The following DOCK2 variants were observed in gnomAD, a reference collection of about 807,000 sequenced individuals.
The protein encoded by DOCK2 is dedicator of cytokinesis 2, also known as dedicator of cytokinesis protein 2.
Under a neutral mutation model 248.9 loss-of-function variants are expected in DOCK2, and 87 were observed. The ratio of observed to expected loss-of-function variants is 0.35; its 90% CI spans 0.29 to 0.42. The LOEUF (loss-of-function observed/expected upper bound fraction) is 0.42. Ranked by LOEUF, DOCK2 falls within the 10% of genes least tolerant of loss-of-function variation. The pLI is 1.00. For missense variants in DOCK2, 1,747 were observed against 2,300.2 expected (o/e 0.76, Z 4.92); for synonymous variants, 805 against 821.6 (o/e 0.98, Z 0.35).
At chr5:170,060,805 G>A (rs1340376507) in intron 44 of DOCK2, among the ~76,000 whole-genome samples, 2 of 152,160 alleles carry the variant, frequency 1.3e-5, no homozygotes, top group African/African-American at 2.4e-5. Context: ...GCTGGGGTGG[G>A]CGGATCACAA....
intron 23 of DOCK2, among the ~76,000 whole-genome samples, chr5:169,749,266 A>G (rs1021052031): frequency 3.9e-5 from 6 of 152,152 alleles, no homozygotes; most frequent in Non-Finnish European, 7.4e-5. Context: ...GCCCCTTTCT[A>G]TGTCTCTGAG....
chr5:170,015,871 C>A (rs10475929), intron 32 of DOCK2, among the ~76,000 whole-genome samples: 4,124 of 150,172 alleles, frequency 0.027, 173 homozygotes, highest in African/African-American at 0.094. Flanking sequence ...TCCCTCCCTC[C>A]TTTCTTCCTT....
chr5:170,080,252 C>G lies in DOCK2; in HGVS notation c.5256C>G (p.Ser1752Arg). The G allele has an allele frequency of 1.2e-6, 2 of 1,614,184 alleles. No homozygotes were observed. Among genetic ancestry groups the G allele is most frequent in the Non-Finnish European group, 1.7e-6 (2 of 1,180,036 alleles). Residue 1752 changes from serine (S) to arginine (R), a missense_variant, in exon 50 of 52, where the codon AGC (serine) becomes AGG (arginine). Physicochemically the swap from Ser to Arg is moderately radical, Grantham distance 110 (BLOSUM62 -1). Coordinates refer to ENST00000520908, the MANE Select transcript of DOCK2 (RefSeq NM_004946.3). The stretch of plus-strand genomic sequence containing the variant: ...AGGCGTCTGTCCTCTCTCAAATGAG[C>G]TTTGCCAGCCAGTCCATGCCTACCA... ...PLKASVLSQM[S>R]FASQSMPTIP... is the part of the protein sequence containing the mutation.
intron 14 of DOCK2, among the ~76,000 whole-genome samples, chr5:169,707,033 T>C (rs909487236): frequency 1.6e-4 from 25 of 152,212 alleles, no homozygotes; most frequent in African/African-American, 5.8e-4. Context: ...GCACACAGTT[T>C]GCAATTTCAG....
At chr5:169,683,021 G>A (rs75800305) in intron 7 of DOCK2, among the ~76,000 whole-genome samples, 1 of 152,164 alleles carries the variant, frequency 6.6e-6, no homozygotes, top group Non-Finnish European at 1.5e-5. Flanking sequence ...ATGGTATATA[G>A]CATTGACCAA....
chr5:169,654,601 C>T (rs1401411313), intron 2 of DOCK2, 115 bp downstream of exon 2: 9 of 1,036,666 alleles, frequency 8.7e-6, no homozygotes, highest in East Asian at 7.8e-5. Flanking sequence ...TATTTAAAAA[C>T]GTTTTGGTAA....
chr5:169,708,098 A>C, intron 14 of DOCK2, 71 bp from the exon 15 acceptor site: 1 of 1,538,904 alleles, frequency 6.5e-7, no homozygotes, highest in Non-Finnish European at 8.9e-7. Flanking sequence ...TGGCCTAGGG[A>C]CCAAACCTGC....
intron 22 of DOCK2, among the ~76,000 whole-genome samples, chr5:169,745,966 C>T (rs997973715): frequency 7.2e-5 from 11 of 152,092 alleles, no homozygotes; most frequent in Non-Finnish European, 1.3e-4. Context: ...GCCCTAGGCA[C>T]GTAGCCACTT....
At chr5:169,861,939 T>C (rs1482023640) in intron 27 of DOCK2, among the ~76,000 whole-genome samples, 1 of 62,274 alleles carries the variant, frequency 1.6e-5, no homozygotes, top group African/African-American at 3.8e-5. Flanking sequence ...TTTTCTTTTC[T>C]TTTTTTTTTG....
chr5:170,059,822 G>A (rs9313490), intron 44 of DOCK2, among the ~76,000 whole-genome samples: 33,221 of 152,138 alleles, frequency 0.22, 3,885 homozygotes, highest in African/African-American at 0.28. Context: ...TTTTGAAGTT[G>A]GGAAAGAAAT....
At chr5:169,926,819 G>A (rs895672758) in intron 27 of DOCK2, among the ~76,000 whole-genome samples, 2 of 152,180 alleles carry the variant, frequency 1.3e-5, no homozygotes, top group African/African-American at 4.8e-5. Flanking sequence ...AGGCACTGCA[G>A]TGGAAACACA....
intron 27 of DOCK2, among the ~76,000 whole-genome samples, chr5:169,841,223 T>C (rs1769949882): frequency 6.6e-6 from 1 of 152,212 alleles, no homozygotes; most frequent in African/African-American, 2.4e-5. Flanking sequence ...GTGCCCAGTC[T>C]CAGGGTCCTG....
At chr5:170,048,116 G>T (rs984261618) in intron 40 of DOCK2, among the ~76,000 whole-genome samples, 1 of 152,206 alleles carries the variant, frequency 6.6e-6, no homozygotes, top group African/African-American at 2.4e-5. Flanking sequence ...AATGGTCCAG[G>T]CATGGTGGCT....
chr5:169,838,419 T>A (rs993075049), intron 26 of DOCK2, among the ~76,000 whole-genome samples: 1 of 152,166 alleles, frequency 6.6e-6, no homozygotes, highest in Non-Finnish European at 1.5e-5. Flanking sequence ...CGATATAAAG[T>A]GCTTAGCAGA....
At chr5:169,668,020 CATAAT>C (rs141919988) in intron 2 of DOCK2, among the ~76,000 whole-genome samples, 187 of 152,248 alleles carry the variant, frequency 1.2e-3, no homozygotes, top group African/African-American at 4.3e-3. Flanking sequence ...ATCATTCCCT[CATAAT>C]ATAGGAAGCA....
chr5:169,637,279 A>G lies in DOCK2; in HGVS notation c.-48A>G. 7.0e-7 allele frequency: 1 copy of G among 1,430,702 alleles called. No individual in the cohort carries two copies. Among genetic ancestry groups the G allele is most frequent in the Non-Finnish European group, 9.1e-7 (1 of 1,095,198 alleles). The allele number at this position is 1,430,702 out of a possible 1,614,324, so 88.6% of individuals were successfully genotyped here. ...AAGTGGGGCCCTGCGGCGCCCAGCC[A>G]CCCCCTGACGGCTTCCCCACGGGAG... On this transcript the variant is annotated 5_prime_UTR_variant, in exon 1 of 52. Coordinates refer to ENST00000520908, the MANE Select transcript of DOCK2 (RefSeq NM_004946.3).
intron 33 of DOCK2, among the ~76,000 whole-genome samples, chr5:170,019,848 C>T (rs1581532045): frequency 6.6e-6 from 1 of 151,996 alleles, no homozygotes; most frequent in South Asian, 2.1e-4. Context: ...CTGCCTGAGC[C>T]GTTCCCTCAG....
intron 32 of DOCK2, among the ~76,000 whole-genome samples, chr5:170,010,425 C>T (rs1350185009): frequency 6.6e-6 from 1 of 152,094 alleles, no homozygotes; most frequent in Non-Finnish European, 1.5e-5. Flanking sequence ...CAAGCACAGG[C>T]CCACACGACA....
chr5:170,026,595 G>T (rs2113829808), intron 33 of DOCK2, among the ~76,000 whole-genome samples: 1 of 152,220 alleles, frequency 6.6e-6, no homozygotes, highest in East Asian at 1.9e-4. Flanking sequence ...TGCATGATTT[G>T]GATGGACTCT....
Sources: gnomAD v4.1 joint callset for allele counts (sites outside exome capture counted in the v4.1 genomes callset) on GRCh38, gnomAD v4.1.1 for gene constraint, MANE v1.5 for transcripts, NCBI Gene and HGNC (gene_info 2026-07-23, HGNC 2026-07-21) for gene names.